Variants in EYS observed in about 807,000 individuals in gnomAD.
EYS encodes protein eyes shut homolog.
EYS carries 250 observed loss-of-function variants against 282.1 expected under a neutral mutation model. That is an observed-to-expected ratio of 0.89 (90% CI 0.80 to 0.98). The LOEUF (loss-of-function observed/expected upper bound fraction) is 0.98, where lower values mean the gene tolerates loss of function less well. EYS is among the 50% of genes least tolerant of loss of function. The pLI is 0.00. For synonymous variants in EYS, 1,355 were observed against 1,282.9 expected, an observed-to-expected ratio of 1.06 and a Z score of -1.20; for missense variants, 4,016 against 3,709.0, an observed-to-expected ratio of 1.08 and a Z score of -2.15.
intron 5 of EYS, among the ~76,000 whole-genome samples, chr6:65,424,483 T>C (rs1051972827): frequency 2.0e-5 from 3 of 152,016 alleles, no homozygotes; most frequent in Non-Finnish European, 4.4e-5. Flanking sequence ...CTATTTTTAA[T>C]ACACAGTATT....
intron 31 of EYS, among the ~76,000 whole-genome samples, chr6:64,151,141 AAGT>A (rs1774690403): frequency 2.0e-5 from 3 of 151,392 alleles, no homozygotes; most frequent in South Asian, 2.1e-4. Flanking sequence ...AAAGGTCTAT[AAGT>A]AGGAGGATGG....
At chr6:64,102,937 A>G (rs1233847556) in intron 31 of EYS, among the ~76,000 whole-genome samples, 2 of 152,112 alleles carry the variant, frequency 1.3e-5, no homozygotes, top group Non-Finnish European at 2.9e-5. Flanking sequence ...TTTTTTCCCA[A>G]CCTACAACTT....
At chr6:64,000,876 G>C (rs959716513) in intron 33 of EYS, among the ~76,000 whole-genome samples, 1 of 152,082 alleles carries the variant, frequency 6.6e-6, no homozygotes, top group Admixed American at 6.5e-5. Context: ...GGCCAGGCGC[G>C]GTGGCTCAGG....
At chr6:64,882,293 C>T (rs191732480) in intron 19 of EYS, among the ~76,000 whole-genome samples, 10 of 151,850 alleles carry the variant, frequency 6.6e-5, no homozygotes, top group Admixed American at 1.3e-4. Context: ...AGTCACACAT[C>T]GACTTGGCAC....
intron 31 of EYS, among the ~76,000 whole-genome samples, chr6:64,218,871 T>A (rs573850196): frequency 6.6e-6 from 1 of 152,224 alleles, no homozygotes; most frequent in East Asian, 1.9e-4. Context: ...GGGATCCAAT[T>A]GATGATGAGG....
intron 19 of EYS, among the ~76,000 whole-genome samples, chr6:64,854,648 C>T (rs752412157): frequency 2.6e-5 from 4 of 151,504 alleles, no homozygotes; most frequent in Non-Finnish European, 4.4e-5. Flanking sequence ...TGTTAAATGA[C>T]GAGTTACTGG....
intron 12 of EYS, among the ~76,000 whole-genome samples, chr6:65,259,933 G>C (rs1023419883): frequency 3.3e-5 from 5 of 152,062 alleles, no homozygotes; most frequent in Non-Finnish European, 7.4e-5. Context: ...AAAGTGAAGT[G>C]GTTGGAGAGT....
chr6:64,532,099 G>A (rs996438790), intron 26 of EYS, among the ~76,000 whole-genome samples: 2 of 152,180 alleles, frequency 1.3e-5, no homozygotes, highest in African/African-American at 4.8e-5. Context: ...AATATCTCTT[G>A]AGGTTCAGAA....
chr6:64,231,595 CCTACA>C (rs1163425217), intron 30 of EYS, among the ~76,000 whole-genome samples: 2 of 152,146 alleles, frequency 1.3e-5, no homozygotes, highest in Non-Finnish European at 2.9e-5. Context: ...CTAAATTTCA[CCTACA>C]GTGCTAAGCC....
At position 65,283,996 on chromosome 6, in the gene EYS, TTGAC is replaced by T. The variant is rs896580475; in HGVS notation, c.2023+11863_2023+11866del. 9.1e-4 allele frequency among the ~76,000 whole-genome samples: 138 copies of T among 152,290 alleles called. 1 individual carries two copies. Among genetic ancestry groups the T allele is most frequent in the African/African-American group, 3.2e-3 (132 of 41,578 alleles). ...AAAATCTTACGTGATCTAAACTCGA[TTGAC>T]TGAATGTTATATACGTTTTCCATCA... On this transcript the variant is annotated intron_variant, in intron 12 of 42. Transcript: ENST00000503581.
At chr6:64,904,280 T>A (rs144481540) in intron 16 of EYS, among the ~76,000 whole-genome samples, 1 of 152,342 alleles carries the variant, frequency 6.6e-6, no homozygotes, top group African/African-American at 2.4e-5. Context: ...TCTCAGAGCC[T>A]GCAAATGAAT....
intron 14 of EYS, among the ~76,000 whole-genome samples, chr6:64,976,510 C>A (rs998468173): frequency 2.0e-5 from 3 of 151,824 alleles, no homozygotes; most frequent in African/African-American, 7.3e-5. Context: ...CATAGGTGGC[C>A]ATCCTTCTAC....
intron 29 of EYS, among the ~76,000 whole-genome samples, chr6:64,332,993 G>T (rs926910940): frequency 1.3e-5 from 2 of 152,054 alleles, no homozygotes; most frequent in Admixed American, 1.3e-4. Context: ...GTTATAAAAG[G>T]GGACTAGGAT....
At chr6:64,227,607 G>C (rs1277872908) in intron 31 of EYS, among the ~76,000 whole-genome samples, 1 of 152,040 alleles carries the variant, frequency 6.6e-6, no homozygotes, top group Non-Finnish European at 1.5e-5. Context: ...GGGTAATTTA[G>C]AGAGCCTACT....
At chr6:65,237,753 C>T (rs58958107) in intron 12 of EYS, among the ~76,000 whole-genome samples, 4,106 of 152,164 alleles carry the variant, frequency 0.027, 166 homozygotes, top group African/African-American at 0.091. Flanking sequence ...GTTTAGGACC[C>T]ATTGCTAACA....
At position 65,617,783 on chromosome 6, in the gene EYS, A is replaced by G. The variant is rs551176749; in HGVS notation, c.-333+21995T>C. On this transcript the variant is annotated intron_variant, in intron 2 of 42. Transcript: ENST00000503581. ...TGTTCTCATTGTTCAATTTCCACCA[A>G]TGAGTGAGAATATGTGGTGTTTGGT... 6.2e-4 allele frequency among the ~76,000 whole-genome samples: 91 copies of G among 146,916 alleles called. 1 individual carries two copies. The highest frequency in any genetic ancestry group is 5.9e-3 in the East Asian group (28 of 4,782).
intron 11 of EYS, among the ~76,000 whole-genome samples, chr6:65,301,134 T>C (rs971029760): frequency 7.9e-5 from 12 of 152,214 alleles, no homozygotes; most frequent in African/African-American, 2.9e-4. Flanking sequence ...GGTTCTAGTC[T>C]TTCCTGATGC....
chr6:64,072,938 T>C (rs1258066536), intron 32 of EYS, among the ~76,000 whole-genome samples: 1 of 151,854 alleles, frequency 6.6e-6, no homozygotes, highest in African/African-American at 2.4e-5. Flanking sequence ...AACTGAATTT[T>C]AAAGATTGAC....
At chr6:65,337,992 G>T (rs1562105291) in intron 10 of EYS, among the ~76,000 whole-genome samples, 1 of 151,022 alleles carries the variant, frequency 6.6e-6, no homozygotes, top group Non-Finnish European at 1.5e-5. Flanking sequence ...AAATCTGAAA[G>T]AACTAAAGTT....
Sources: allele counts gnomAD v4.1 joint callset (sites outside exome capture counted in the v4.1 genomes callset), GRCh38; gene constraint gnomAD v4.1.1; transcripts MANE v1.5; gene names NCBI Gene and HGNC (gene_info 2026-07-23, HGNC 2026-07-21).